RTL1: variants seen among roughly 807,000 people sequenced by gnomAD.
The protein encoded by RTL1 is retrotransposon Gag like 1.
For missense variants in RTL1, 1,681 were observed against 1,767.5 expected (o/e 0.95, Z 0.88); for synonymous variants, 727 against 748.4 (o/e 0.97, Z 0.47).
intron 2 of RTL1, chr14:100,897,760 GGGTGGGGGGGTGGGGGGC>G (rs1321017633): frequency 3.1e-5 from 5 of 159,360 alleles, no homozygotes; most frequent in African/African-American, 1.5e-4. Context: ...GCGGGGGGGG[GGGTGGGGGGGTGGGGGGC>G]GGGGGGGGGC....
At chr14:100,887,926 A>G (rs2038715855) in intron 3 of RTL1, among the ~76,000 whole-genome samples, 1 of 148,914 alleles carries the variant, frequency 6.7e-6, no homozygotes, top group Non-Finnish European at 1.5e-5. Flanking sequence ...TCTCCTCAGC[A>G]TGGAGCCCAG....
chr14:100,880,533 G>C lies in RTL1; in HGVS notation c.*179C>G. Reference sequence around the variant, plus strand: ...GAGGACTGGGTAGTCCGTTAGCACAGGTGGCATTGCTGGTTGATGAGTTGA... The same window carrying C: ...GAGGACTGGGTAGTCCGTTAGCACACGTGGCATTGCTGGTTGATGAGTTGA... On this transcript the variant is annotated 3_prime_UTR_variant, in exon 4 of 4. Coordinates refer to ENST00000649591, the MANE Select transcript of RTL1 (RefSeq NM_001134888.3). 7.9e-7 allele frequency: 1 copy of C among 1,265,360 alleles called. No homozygotes were observed. The highest frequency in any genetic ancestry group is 1.5e-5 in the South Asian group (1 of 64,564). The allele number at this position is 1,265,360 out of a possible 1,614,324, so 78.4% of individuals were successfully genotyped here. A position where few individuals can be genotyped will look rare whatever the true frequency, so the allele number is the denominator to read the frequency against.
At position 100,880,847 on chromosome 14, in the gene RTL1, T is replaced by A; in HGVS notation, c.3942A>T (p.Ala1314=). Residue 1314 remains alanine, a synonymous_variant, in exon 4 of 4, where the codon GCA becomes GCT. Coordinates refer to ENST00000649591, the MANE Select transcript of RTL1 (RefSeq NM_001134888.3). ...TCAGGAACTGGCTCAGGGCCCTGGCTGCCTGCTCCCGGCTGAGCAGGTGCA... is the reference window on the plus strand; with the variant it reads ...TCAGGAACTGGCTCAGGGCCCTGGCAGCCTGCTCCCGGCTGAGCAGGTGCA... ...GQLHLLSREQ[A]ARALSQFLTL... is the part of the protein sequence containing the mutation. 1 of 1,550,306 alleles carries A rather than the reference T, an allele frequency of 6.5e-7. No homozygotes were observed. The highest frequency in any genetic ancestry group is 8.7e-7 in the Non-Finnish European group (1 of 1,146,856).
In RTL1 at chr14:100,900,738, T is replaced by C. The variant is rs745743726; in HGVS notation, c.-149+2553A>G. Among the ~76,000 whole-genome samples the C allele has an allele frequency of 2.0e-5, 3 of 152,146 alleles. 1 individual carries two copies. Among genetic ancestry groups the C allele is most frequent in the African/African-American group, 7.2e-5 (3 of 41,430 alleles). On this transcript the variant is annotated intron_variant, in intron 2 of 3. Coordinates refer to ENST00000649591, the MANE Select transcript of RTL1 (RefSeq NM_001134888.3). ...AGAACCCTTTCTGCACCACCAGCTA[T>C]CCTGAACCAGAAATCCCTGTTCACA...
chr14:100,884,235 C>T lies in RTL1; in HGVS notation c.554G>A (p.Arg185Lys), dbSNP rs2038664457. ...TTTGATCAAGATCTCTTCTGCTACT[C>T]TCTGTTGCTCTTTGAGGTCTTGCAT... ...FRMQDLKEQQ[R>K]VAEEILIKGI... The change falls in exon 4 of 4, where the codon AGA (arginine) becomes AAA (lysine). Residue 185 changes from arginine (R) to lysine (K), a missense_variant. By Grantham distance (26) the Arg-to-Lys change is conservative. Transcript: ENST00000649591. 1 of 1,551,640 alleles carries T rather than the reference C, an allele frequency of 6.4e-7. No homozygotes were observed. Among genetic ancestry groups the T allele is most frequent in the African/African-American group, 1.4e-5 (1 of 73,054 alleles).
rs764225488 is a variant in RTL1 at position 100,882,206 on chromosome 14, G to T, written c.2583C>A (p.Arg861=). 6.4e-7 allele frequency: 1 copy of T among 1,550,732 alleles called. No individual in the cohort carries two copies. The highest frequency in any genetic ancestry group is 1.2e-5 in the South Asian group (1 of 84,070). ...TGGGGTGGTGGAGGAGAGGCGCCTT[G>T]CGGAAAGCCCTCTTCAGGCACTCGA... The part of the protein sequence containing the change: ...EAFECLKRAF[R]KAPLLHHPKP... Residue 861 remains arginine, a synonymous_variant, in exon 4 of 4, where the codon CGC becomes CGA. Coordinates refer to ENST00000649591, the MANE Select transcript of RTL1 (RefSeq NM_001134888.3).
In RTL1 at chr14:100,884,366, C is replaced by T. The variant is rs989071877; in HGVS notation, c.423G>A (p.Leu141=). Residue 141 remains leucine (L), a synonymous_variant, in exon 4 of 4, where the codon CTG becomes CTA. Coordinates refer to ENST00000649591, the MANE Select transcript of RTL1 (RefSeq NM_001134888.3). ...AREEQEAHTD[L]KESGREETPQ... ...GAGTCTCCTCCCTTCCCGATTCCTTCAGGTCAGTGTGAGCCTCTTGTTCTT... is the reference window on the plus strand; with the variant it reads ...GAGTCTCCTCCCTTCCCGATTCCTTTAGGTCAGTGTGAGCCTCTTGTTCTT... The T allele has an allele frequency of 3.2e-6, 5 of 1,567,540 alleles. No homozygotes were observed. The highest frequency in any genetic ancestry group is 1.9e-5 in the Admixed American group (1 of 52,804).
chr14:100,884,096 G>A lies in RTL1; in HGVS notation c.693C>T (p.Phe231=), dbSNP rs2038662043. ...QLTLQSYPRM[F]YNDRLRVGYV... is the part of the protein sequence containing the mutation. ...AGCCAACTCTCAGACGGTCGTTATA[G>A]AACATTCTTGGGTAGCTCTGTAAGG... is the stretch of plus-strand genomic sequence containing the variant. The change falls in exon 4 of 4, where the codon TTC becomes TTT. Residue 231 remains phenylalanine, a synonymous_variant. Transcript: ENST00000649591. The A allele has an allele frequency of 6.4e-7, 1 of 1,551,596 alleles. No homozygotes were observed. Among genetic ancestry groups the A allele is most frequent in the Non-Finnish European group, 8.7e-7 (1 of 1,147,008 alleles).
chr14:100,889,486 G>A (rs1171506369), intron 3 of RTL1, among the ~76,000 whole-genome samples: 3 of 152,114 alleles, frequency 2.0e-5, no homozygotes, highest in Non-Finnish European at 2.9e-5. Context: ...TGTTCCTCAC[G>A]CTTCTCTCTG....
chr14:100,880,733 G>A lies in RTL1; in HGVS notation c.4056C>T (p.Asp1352=), dbSNP rs775565378. ...QARLEELPDE[D]EDANLD The stretch of plus-strand genomic sequence containing the variant: ...GTCTTCAGTCGAGGTTAGCATCTTC[G>A]TCCTCATCAGGCAGCTCTTCTAGCC... The change falls in exon 4 of 4, where the codon GAC becomes GAT. Residue 1352 remains aspartate (D), a synonymous_variant. Transcript: ENST00000649591. 1.4e-4 allele frequency: 212 copies of A among 1,550,802 alleles called. No individual in the cohort carries two copies. Among genetic ancestry groups the A allele is most frequent in the Non-Finnish European group, 8.3e-5 (95 of 1,146,966 alleles).
rs2038635016 is a variant in RTL1, at chr14:100,882,665, G to T, written c.2124C>A (p.Asp708Glu). The T allele has an allele frequency of 6.4e-7, 1 of 1,552,012 alleles. No individual in the cohort carries two copies. The highest frequency in any genetic ancestry group is 2.4e-5 in the East Asian group (1 of 40,918). ...GAATCACGTTCTGAGGTATGATAGGGTCTGGGGAGAGCGCAAACGGCTGGT... is the reference window on the plus strand; with the variant it reads ...GAATCACGTTCTGAGGTATGATAGGTTCTGGGGAGAGCGCAAACGGCTGGT... ...KSYQPFALSP[D>E]PIIPQNVIHF... The change falls in exon 4 of 4, where the codon GAC becomes GAA. Residue 708 changes from aspartate (D) to glutamate (E), a missense_variant. Transcript: ENST00000649591.
At chr14:100,885,960 G>A (rs2038692584) in intron 3 of RTL1, among the ~76,000 whole-genome samples, 1 of 152,124 alleles carries the variant, frequency 6.6e-6, no homozygotes, top group African/African-American at 2.4e-5. Flanking sequence ...GGGTTGGGGG[G>A]AACATGTGAC....
Position 100,880,551 on chromosome 14 carries a change from T to C in RTL1, c.*161A>G. ...TAGCACAGGTGGCATTGCTGGTTGA[T>C]GAGTTGAAGAAGTTGTTGCCCTTCA... On this transcript the variant is annotated 3_prime_UTR_variant, in exon 4 of 4. Transcript: ENST00000649591. The C allele has an allele frequency of 1.5e-6, 2 of 1,365,144 alleles. No homozygotes were observed. Among genetic ancestry groups the C allele is most frequent in the South Asian group, 3.0e-5 (2 of 66,834 alleles). 84.6% of individuals were successfully genotyped at this position (1,365,144 alleles called of 1,614,324 possible). A position where few individuals can be genotyped will look rare whatever the true frequency, so the allele number is the denominator to read the frequency against.
chr14:100,881,817 C>G lies in RTL1; in HGVS notation c.2972G>C (p.Arg991Pro), dbSNP rs746370282. Reference protein sequence around the residue: ...VMELPEQDGGRALPPVRNLRW... With the variant: ...VMELPEQDGGPALPPVRNLRW... ...GAGGTTTCTCACAGGTGGCAGAGCTCGGCCGCCGTCTTGTTCTGGCAGCTC... is the reference window on the plus strand; with the variant it reads ...GAGGTTTCTCACAGGTGGCAGAGCTGGGCCGCCGTCTTGTTCTGGCAGCTC... The change falls in exon 4 of 4, where the codon CGA (arginine) becomes CCA (proline). Residue 991 changes from arginine (R) to proline (P), a missense_variant. Arg to Pro is a moderately radical substitution (Grantham distance 103). Transcript: ENST00000649591. This position sits in a 1 kb window ranked among gnomAD's most constrained non-coding sequence, Gnocchi z 6.6. 6.2e-7 allele frequency: 1 copy of G among 1,613,776 alleles called. No individual in the cohort carries two copies. Among genetic ancestry groups the G allele is most frequent in the African/African-American group, 1.3e-5 (1 of 74,900 alleles).
chr14:100,899,695 C>T (rs368308385), intron 2 of RTL1, among the ~76,000 whole-genome samples: 4 of 140,770 alleles, frequency 2.8e-5, no homozygotes, highest in African/African-American at 1.1e-4. Context: ...GTTTCTGTGC[C>T]TTGGTTTCCT....
In RTL1 at chr14:100,896,988, A is replaced by T. The variant is rs2038866374; in HGVS notation, c.-148-3483T>A. ...GGCATTGGCTTTCGGGTCCTTTTAA[A>T]GACCAAAAAGTAAAGCACTCCCCCG... On this transcript the variant is annotated intron_variant, in intron 2 of 3. Coordinates refer to ENST00000649591, the MANE Select transcript of RTL1 (RefSeq NM_001134888.3). 3.3e-5 allele frequency among the ~76,000 whole-genome samples: 5 copies of T among 152,224 alleles called. No individual in the cohort carries two copies. The South Asian group carries it at 1.0e-3, about 32-fold the overall frequency.
At chr14:100,899,259 G>A (rs2038910022) in intron 2 of RTL1, among the ~76,000 whole-genome samples, 1 of 152,200 alleles carries the variant, frequency 6.6e-6, no homozygotes, top group Non-Finnish European at 1.5e-5. Context: ...TCAGTGTTGT[G>A]AGTTCTGGGG....
Position 100,883,415 on chromosome 14 carries a change from C to T in RTL1, c.1374G>A (p.Pro458=), listed in dbSNP as rs770413673. 1.5e-5 allele frequency: 24 copies of T among 1,550,156 alleles called. 1 individual carries two copies. The South Asian group carries it at 2.5e-4, about 16-fold the overall frequency. ...TCAGCGAGCCGTCCACGGATTGGAC[C>T]GGCTGTGGGTACGGCTTCTCGTAGA... The part of the protein sequence containing the change: ...VELYEKPYPQ[P]VQSVDGSLIG... Residue 458 remains proline, a synonymous_variant, in exon 4 of 4, where the codon CCG becomes CCA. Transcript: ENST00000649591. This position sits in a 1 kb window ranked among gnomAD's most constrained non-coding sequence, Gnocchi z 5.9.
At chr14:100,890,074 G>GAAAAAAAAAAAA (rs55688942) in intron 3 of RTL1, among the ~76,000 whole-genome samples, 1 of 123,892 alleles carries the variant, frequency 8.1e-6, no homozygotes, top group African/African-American at 2.9e-5. Flanking sequence ...CGCCTTATTT[G>GAAAAAAAAAAAA]AAAAAAAAAA....
Sources: allele counts gnomAD v4.1 joint callset (sites outside exome capture counted in the v4.1 genomes callset), GRCh38; gene constraint gnomAD v4.1.1; non-coding constraint Gnocchi (gnomAD v3.1); transcripts MANE v1.5; gene names NCBI Gene and HGNC (gene_info 2026-07-23, HGNC 2026-07-21).